Variants in GAS7 observed in about 807,000 individuals in gnomAD.
GAS7 encodes the protein growth arrest specific 7, also known as growth arrest-specific protein 7.
GAS7 carries 28 observed loss-of-function variants against 71.1 expected under a neutral mutation model. The observed-to-expected ratio is 0.39, with a 90% CI of 0.29 to 0.54. GAS7 has a LOEUF of 0.54. Ranked by LOEUF, GAS7 falls within the 20% of genes least tolerant of loss-of-function variation. The probability of loss-of-function intolerance (pLI) is 0.62; values close to 1 mark genes in which losing one functional copy is unlikely to be tolerated. For synonymous variants in GAS7, 258 were observed against 245.8 expected (o/e 1.05, Z -0.46); for missense variants, 436 against 627.8 (o/e 0.69, Z 3.27).
chr17:9,991,793 T>A (rs143115290), intron 2 of GAS7, among the ~76,000 whole-genome samples: 3 of 152,058 alleles, frequency 2.0e-5, no homozygotes, highest in African/African-American at 7.2e-5. Flanking sequence ...TGGAGAAATA[T>A]GTCTTGTCAC....
intron 4 of GAS7, among the ~76,000 whole-genome samples, chr17:9,961,183 C>T (rs1323228390): frequency 2.0e-5 from 3 of 152,220 alleles, no homozygotes; most frequent in African/African-American, 7.2e-5. Flanking sequence ...CAACGGGCTC[C>T]TGGCCAACGT....
At chr17:10,150,036 T>C (rs774518300) in intron 1 of GAS7, among the ~76,000 whole-genome samples, 10 of 152,200 alleles carry the variant, frequency 6.6e-5, no homozygotes, top group Non-Finnish European at 1.2e-4. Flanking sequence ...GTGAATATAT[T>C]AGAATACTAC....
intron 1 of GAS7, among the ~76,000 whole-genome samples, chr17:10,140,148 T>C (rs2074068763): frequency 6.6e-6 from 1 of 152,136 alleles, no homozygotes; most frequent in Non-Finnish European, 1.5e-5. Context: ...ATAAGACTAA[T>C]ATTCTGTAAA....
At chr17:9,925,030 G>C (rs1364550158) in intron 11 of GAS7, among the ~76,000 whole-genome samples, 1 of 152,228 alleles carries the variant, frequency 6.6e-6, no homozygotes, top group African/African-American at 2.4e-5. Context: ...ATCCCCATAG[G>C]TGAACCTTCA....
chr17:10,117,936 C>A (rs553815098), intron 1 of GAS7, among the ~76,000 whole-genome samples: 1 of 152,132 alleles, frequency 6.6e-6, no homozygotes, highest in Non-Finnish European at 1.5e-5. Context: ...TTGCCTCCAG[C>A]GGCTGGAAGG....
chr17:10,002,499 G>A (rs2071306051), intron 2 of GAS7, among the ~76,000 whole-genome samples: 1 of 151,888 alleles, frequency 6.6e-6, no homozygotes, highest in Admixed American at 6.6e-5. Flanking sequence ...CCATGTTGGT[G>A]TGCTGCACCC....
At chr17:10,005,042 C>CATATATATATATATATATATATAT (rs370673273) in intron 2 of GAS7, among the ~76,000 whole-genome samples, 23 of 144,900 alleles carry the variant, frequency 1.6e-4, no homozygotes, top group Admixed American at 5.4e-4. Context: ...TATATACATA[C>CATATATATATATATATATATATAT]ATATATATAC....
At chr17:9,928,400 G>T (rs1490817911) in intron 9 of GAS7, among the ~76,000 whole-genome samples, 1 of 152,028 alleles carries the variant, frequency 6.6e-6, no homozygotes, top group Non-Finnish European at 1.5e-5. Flanking sequence ...GGGATTACAG[G>T]CGTGAGCCAC....
intron 1 of GAS7, among the ~76,000 whole-genome samples, chr17:10,101,944 G>T (rs1333274395): frequency 6.6e-6 from 1 of 151,962 alleles, no homozygotes; most frequent in Admixed American, 6.6e-5. Context: ...ATTTTCTAAG[G>T]GGTCTGGGAC....
intron 1 of GAS7, among the ~76,000 whole-genome samples, chr17:10,051,848 TAA>T (rs1482278405): frequency 6.6e-6 from 1 of 152,158 alleles, no homozygotes; most frequent in Admixed American, 6.5e-5. Flanking sequence ...AAAAACGGGT[TAA>T]GTTTCCCTTT....
At chr17:10,169,190 CA>C (rs1389227423) in intron 1 of GAS7, among the ~76,000 whole-genome samples, 1 of 151,656 alleles carries the variant, frequency 6.6e-6, no homozygotes, top group Non-Finnish European at 1.5e-5. Flanking sequence ...CACTTGAACC[CA>C]GGAGGCAGAA....
chr17:10,122,381 C>T (rs1312357448), intron 1 of GAS7, among the ~76,000 whole-genome samples: 1 of 152,234 alleles, frequency 6.6e-6, no homozygotes, highest in Non-Finnish European at 1.5e-5. Flanking sequence ...CAGACAGCCT[C>T]CGTTCTAGGC....
At chr17:10,023,484 A>G (rs544542066) in intron 1 of GAS7, among the ~76,000 whole-genome samples, 1 of 152,326 alleles carries the variant, frequency 6.6e-6, no homozygotes, top group East Asian at 1.9e-4. Context: ...ACAGCCATAC[A>G]ATGGAATATT....
intron 1 of GAS7, among the ~76,000 whole-genome samples, chr17:10,090,569 C>A (rs2073571524): frequency 7.3e-6 from 1 of 137,508 alleles, no homozygotes; most frequent in South Asian, 2.2e-4. Flanking sequence ...CTTTCAAACT[C>A]CATCATGCTA....
chr17:10,108,000 G>A (rs2073776105), intron 1 of GAS7, among the ~76,000 whole-genome samples: 2 of 152,060 alleles, frequency 1.3e-5, no homozygotes, highest in African/African-American at 4.8e-5. Context: ...GTGGGGGACT[G>A]GGCAAGAGAA....
intron 5 of GAS7, among the ~76,000 whole-genome samples, chr17:9,950,998 C>T (rs987074603): frequency 6.6e-6 from 1 of 152,132 alleles, no homozygotes; most frequent in Non-Finnish European, 1.5e-5. Context: ...GAAGGGAGGG[C>T]CAGTTCTTGA....
chr17:10,188,955 T>C (rs191842496), intron 1 of GAS7, among the ~76,000 whole-genome samples: 23 of 152,356 alleles, frequency 1.5e-4, no homozygotes, highest in Non-Finnish European at 3.1e-4. Flanking sequence ...GTATATGTTT[T>C]ATTATGAAGT....
chr17:9,954,883 TTCGGAGAGAGGGAG>T (rs2069168695), intron 5 of GAS7, among the ~76,000 whole-genome samples: 1 of 152,078 alleles, frequency 6.6e-6, no homozygotes, highest in Non-Finnish European at 1.5e-5. Context: ...GAACAGTCCC[TTCGGAGAGAGGGAG>T]GCAGTGGCAG....
At chr17:10,057,369 C>T (rs182703666) in intron 1 of GAS7, among the ~76,000 whole-genome samples, 2,171 of 152,200 alleles carry the variant, frequency 0.014, 58 homozygotes, top group African/African-American at 0.049. Context: ...GCCCGGCCCC[C>T]CATCGTCTGA....
Sources: allele counts gnomAD v4.1 joint callset (sites outside exome capture counted in the v4.1 genomes callset), GRCh38; gene constraint gnomAD v4.1.1; transcripts MANE v1.5; gene names NCBI Gene and HGNC (gene_info 2026-07-23, HGNC 2026-07-21).